The following CACNB2 variants were observed in gnomAD, a reference collection of about 807,000 sequenced individuals.
CACNB2 encodes the protein calcium voltage-gated channel auxiliary subunit beta 2.
A neutral mutation model predicts 73.3 loss-of-function variants in CACNB2; 42 were observed. That is an observed-to-expected ratio of 0.57 (90% CI 0.45 to 0.74). The LOEUF is 0.74. Ranked by LOEUF, CACNB2 falls within the 30% of genes least tolerant of loss-of-function variation. The pLI, the probability that CACNB2 is intolerant of heterozygous loss-of-function variation, is 0.00. For missense variants in CACNB2, 940 were observed against 853.0 expected (o/e 1.10, Z -1.27); for synonymous variants, 348 against 310.3 (o/e 1.12, Z -1.28).
chr10:18,309,049 C>T (rs1237250492), intron 2 of CACNB2, among the ~76,000 whole-genome samples: 1 of 152,064 alleles, frequency 6.6e-6, no homozygotes, highest in Non-Finnish European at 1.5e-5. Flanking sequence ...CTGTCCTTCT[C>T]CCCTCGTCGT....
intron 2 of CACNB2, among the ~76,000 whole-genome samples, chr10:18,219,047 C>T (rs2035623607): frequency 6.6e-6 from 1 of 152,054 alleles, no homozygotes; most frequent in Non-Finnish European, 1.5e-5. Flanking sequence ...CACCTGTGGT[C>T]CTGGCTGCTT....
At chr10:18,434,931 T>A (rs576180006) in intron 3 of CACNB2, among the ~76,000 whole-genome samples, 1 of 152,224 alleles carries the variant, frequency 6.6e-6, no homozygotes, top group Non-Finnish European at 1.5e-5. Context: ...GATGTCTTAG[T>A]GCCATTAAGA....
At chr10:18,243,381 C>A (rs986363608) in intron 2 of CACNB2, among the ~76,000 whole-genome samples, 1 of 152,100 alleles carries the variant, frequency 6.6e-6, no homozygotes, top group African/African-American at 2.4e-5. Flanking sequence ...TAGGGTCACC[C>A]TGGCTGTTTA....
chr10:18,308,407 C>T (rs543532947), intron 2 of CACNB2, among the ~76,000 whole-genome samples: 1 of 152,274 alleles, frequency 6.6e-6, no homozygotes, highest in South Asian at 2.1e-4. Context: ...TTTCCGTCAT[C>T]CACGTAATAA....
intron 3 of CACNB2, among the ~76,000 whole-genome samples, chr10:18,476,945 G>A (rs576270799): frequency 1.3e-5 from 2 of 152,048 alleles, no homozygotes; most frequent in Non-Finnish European, 2.9e-5. Flanking sequence ...ACTTGAACCC[G>A]GGAGGCAGAG....
rs1262464214 is a variant in CACNB2 at position 18,541,395 on chromosome 10, G to A, written c.*1671G>A. 6.6e-6 allele frequency: 1 copy of A among 152,476 alleles called. No individual in the cohort carries two copies. The highest frequency in any genetic ancestry group is 1.5e-5 in the Non-Finnish European group (1 of 68,050). 9.4% of individuals were successfully genotyped at this position (152,476 alleles called of 1,614,324 possible). ...TACACTGCTGTAAGAAGCTTACAAT[G>A]TCATCATGTTTAAGGCTAAGACCTT... On this transcript the variant is annotated 3_prime_UTR_variant, in exon 14 of 14. Transcript: ENST00000324631.
intron 2 of CACNB2, among the ~76,000 whole-genome samples, chr10:18,296,708 C>A (rs909617052): frequency 3.3e-5 from 5 of 152,192 alleles, no homozygotes; most frequent in Non-Finnish European, 7.3e-5. Flanking sequence ...TAAAAGGGAA[C>A]AAGTCATCAG....
chr10:18,262,328 G>T, intron 2 of CACNB2, among the ~76,000 whole-genome samples: 1 of 139,862 alleles, frequency 7.1e-6, no homozygotes, highest in East Asian at 2.5e-4. Context: ...GGGGTGGGAG[G>T]GCAGGGAGAG....
At chr10:18,499,843 A>G (rs2050095552) in intron 4 of CACNB2, among the ~76,000 whole-genome samples, 1 of 149,920 alleles carries the variant, frequency 6.7e-6, no homozygotes, top group Non-Finnish European at 1.5e-5. Flanking sequence ...CTGGTGTGGT[A>G]GCATACACCG....
At chr10:18,154,901 A>T (rs983108234) in intron 2 of CACNB2, among the ~76,000 whole-genome samples, 7 of 152,222 alleles carry the variant, frequency 4.6e-5, no homozygotes, top group Non-Finnish European at 8.8e-5. Context: ...AACCCTGCTG[A>T]CACCTTGACC....
intron 7 of CACNB2, among the ~76,000 whole-genome samples, chr10:18,516,623 T>C (rs2051307807): frequency 6.6e-6 from 1 of 152,266 alleles, no homozygotes; most frequent in Admixed American, 6.5e-5. Flanking sequence ...GTTTAAGAAA[T>C]ATGCTTATGA....
chr10:18,433,051 T>A, intron 3 of CACNB2, among the ~76,000 whole-genome samples: 1 of 151,916 alleles, frequency 6.6e-6, no homozygotes, highest in East Asian at 1.9e-4. Flanking sequence ...CATTTTTTTT[T>A]ACCTTGTTAG....
chr10:18,518,468 T>A (rs1226793426), intron 8 of CACNB2, 52 bp downstream of exon 8: 3 of 1,199,584 alleles, frequency 2.5e-6, no homozygotes, highest in Admixed American at 3.4e-5. Flanking sequence ...AACTTCTTTG[T>A]GATGCTGCCT....
chr10:18,469,387 A>G (rs992950521), intron 3 of CACNB2, among the ~76,000 whole-genome samples: 1 of 152,068 alleles, frequency 6.6e-6, no homozygotes, highest in Non-Finnish European at 1.5e-5. Context: ...ATCTTCCTTT[A>G]TTTCGTTGCT....
intron 9 of CACNB2, among the ~76,000 whole-genome samples, chr10:18,527,208 T>C (rs2052558313): frequency 6.6e-6 from 1 of 152,030 alleles, no homozygotes; most frequent in African/African-American, 2.4e-5. Context: ...AAACCCCCTC[T>C]GTACTGAAAA....
At chr10:18,409,485 G>C (rs2044494876) in intron 3 of CACNB2, among the ~76,000 whole-genome samples, 1 of 152,126 alleles carries the variant, frequency 6.6e-6, no homozygotes, top group South Asian at 2.1e-4. Flanking sequence ...CTTCCAACAA[G>C]TTCAGCTTAT....
intron 9 of CACNB2, among the ~76,000 whole-genome samples, chr10:18,524,889 G>C (rs973691474): frequency 6.6e-6 from 1 of 150,620 alleles, no homozygotes; most frequent in Non-Finnish European, 1.5e-5. Flanking sequence ...AATTAGCTAG[G>C]TGTGGTGGCA....
intron 3 of CACNB2, among the ~76,000 whole-genome samples, chr10:18,433,517 A>G (rs973447201): frequency 2.6e-5 from 4 of 152,200 alleles, no homozygotes; most frequent in Non-Finnish European, 5.9e-5. Flanking sequence ...GAAGCTTTGT[A>G]TGAGTTGCCT....
intron 2 of CACNB2, among the ~76,000 whole-genome samples, chr10:18,350,260 A>G (rs531918965): frequency 6.6e-6 from 1 of 152,168 alleles, no homozygotes; most frequent in Non-Finnish European, 1.5e-5. Flanking sequence ...AAATTTTTTT[A>G]AAATAATAAA....
Sources: allele counts gnomAD v4.1 joint callset (sites outside exome capture counted in the v4.1 genomes callset), GRCh38; gene constraint gnomAD v4.1.1; transcripts MANE v1.5; gene names NCBI Gene and HGNC (gene_info 2026-07-23, HGNC 2026-07-21).